CFDP1: variants seen among roughly 807,000 people sequenced by gnomAD.
The protein encoded by CFDP1 is heterochromatin-stabilizing protein CFDP1.
CFDP1 carries 31 observed loss-of-function variants against 40.1 expected under a neutral mutation model. The observed-to-expected ratio is 0.77, with a 90% CI of 0.58 to 1.04. The LOEUF is 1.04. Among genes scored for constraint, CFDP1 ranks in the 50% least tolerant of loss-of-function variants. CFDP1 has a pLI of 0.00. For synonymous variants in CFDP1, 167 were observed against 120.0 expected, an observed-to-expected ratio of 1.39 and a Z score of -2.56; for missense variants, 423 against 343.4, an observed-to-expected ratio of 1.23 and a Z score of -1.83.
chr16:75,334,047 G>A (rs749579284), intron 5 of CFDP1, among the ~76,000 whole-genome samples: 1 of 152,080 alleles, frequency 6.6e-6, no homozygotes, highest in Non-Finnish European at 1.5e-5. Flanking sequence ...GTGAGAGGCT[G>A]TGAGCATTAT....
intron 5 of CFDP1, among the ~76,000 whole-genome samples, chr16:75,373,535 A>T (rs563641304): frequency 4.6e-5 from 7 of 152,282 alleles, no homozygotes; most frequent in African/African-American, 1.4e-4. Context: ...CCCACCCCCC[A>T]TTCTACCTAA....
intron 5 of CFDP1, among the ~76,000 whole-genome samples, chr16:75,380,473 G>A (rs1008416277): frequency 1.3e-4 from 20 of 151,992 alleles, no homozygotes; most frequent in African/African-American, 4.8e-4. Context: ...AATAAAAATG[G>A]TCTTGAGCTT....
At chr16:75,379,093 G>A (rs2078829793) in intron 5 of CFDP1, among the ~76,000 whole-genome samples, 1 of 151,310 alleles carries the variant, frequency 6.6e-6, no homozygotes, top group Non-Finnish European at 1.5e-5. Flanking sequence ...CTAAAGCAGT[G>A]TGAGGGAAAT....
At chr16:75,329,941 C>CT (rs2078433048) in intron 5 of CFDP1, among the ~76,000 whole-genome samples, 1 of 152,174 alleles carries the variant, frequency 6.6e-6, no homozygotes, top group African/African-American at 2.4e-5. Flanking sequence ...ATGAATTCCT[C>CT]TTTCCTCCTC....
At chr16:75,358,344 C>G (rs1244838323) in intron 5 of CFDP1, among the ~76,000 whole-genome samples, 1 of 152,116 alleles carries the variant, frequency 6.6e-6, no homozygotes, top group Admixed American at 6.5e-5. Flanking sequence ...TAGGAACTCT[C>G]CATGTCATTT....
chr16:75,422,800 C>A (rs1186089423), intron 1 of CFDP1, among the ~76,000 whole-genome samples: 1 of 151,954 alleles, frequency 6.6e-6, no homozygotes, highest in Non-Finnish European at 1.5e-5. Flanking sequence ...GAGCTGTGAT[C>A]TTGCCACTGC....
intron 5 of CFDP1, among the ~76,000 whole-genome samples, chr16:75,336,781 CAA>C (rs760876773): frequency 2.6e-5 from 4 of 152,240 alleles, no homozygotes; most frequent in South Asian, 4.1e-4. Flanking sequence ...ACACCCTTGT[CAA>C]AAGTGTTATT....
At chr16:75,428,700 G>C (rs1020390359) in intron 1 of CFDP1, among the ~76,000 whole-genome samples, 2 of 150,658 alleles carry the variant, frequency 1.3e-5, no homozygotes, top group Admixed American at 1.3e-4. Flanking sequence ...GGAAAAGAAA[G>C]AGTGAGAGAG....
At chr16:75,307,020 G>A (rs1320937449) in intron 5 of CFDP1, among the ~76,000 whole-genome samples, 2 of 151,844 alleles carry the variant, frequency 1.3e-5, no homozygotes, top group East Asian at 1.9e-4. Context: ...GCTACTGCCC[G>A]AATTCTCATT....
chr16:75,312,122 C>CA (rs2078296641), intron 5 of CFDP1, among the ~76,000 whole-genome samples: 1 of 152,146 alleles, frequency 6.6e-6, no homozygotes, highest in African/African-American at 2.4e-5. Context: ...AATCCCTGGG[C>CA]AAATTTCACT....
chr16:75,328,571 C>G (rs1258449437), intron 5 of CFDP1, among the ~76,000 whole-genome samples: 1 of 136,944 alleles, frequency 7.3e-6, no homozygotes, highest in Admixed American at 7.4e-5. Context: ...TGCACTCCAG[C>G]CTGGGCGACA....
Position 75,361,864 on chromosome 16 carries a change from G to C in CFDP1, c.650+33226C>G, listed in dbSNP as rs562408004. On this transcript the variant is annotated intron_variant, in intron 5 of 6. Transcript: ENST00000283882. ...TTGGGTCCCAGGTTTCCTTGTATTTGTTTTCAGAATTTTACTATTATTTTT... is the reference window on the plus strand; with the variant it reads ...TTGGGTCCCAGGTTTCCTTGTATTTCTTTTCAGAATTTTACTATTATTTTT... Among the ~76,000 whole-genome samples the C allele has an allele frequency of 2.0e-5, 3 of 152,096 alleles. No homozygotes were observed. The East Asian group carries it at 5.8e-4, about 29-fold the overall frequency.
chr16:75,399,704 AG>A (rs2079031666), intron 4 of CFDP1, among the ~76,000 whole-genome samples: 1 of 150,388 alleles, frequency 6.6e-6, no homozygotes. Flanking sequence ...GAAAGCAGCC[AG>A]GTGCAGTAGC....
chr16:75,312,307 AG>A (rs1415692673), intron 5 of CFDP1, among the ~76,000 whole-genome samples: 2 of 152,234 alleles, frequency 1.3e-5, no homozygotes, highest in Admixed American at 6.5e-5. Flanking sequence ...GCAGAAAACC[AG>A]AAGTATGACA....
intron 5 of CFDP1, among the ~76,000 whole-genome samples, chr16:75,358,936 A>G (rs2078663887): frequency 6.6e-6 from 1 of 152,238 alleles, no homozygotes; most frequent in Admixed American, 6.5e-5. Flanking sequence ...CCCAGTAATC[A>G]GCAGTTCTGA....
chr16:75,328,044 T>C (rs752909921), intron 5 of CFDP1, among the ~76,000 whole-genome samples: 3 of 150,862 alleles, frequency 2.0e-5, no homozygotes, highest in Non-Finnish European at 4.4e-5. Flanking sequence ...CAAATTATAA[T>C]GTAATAGAAC....
chr16:75,379,066 A>T (rs764876797), intron 5 of CFDP1, among the ~76,000 whole-genome samples: 6 of 143,792 alleles, frequency 4.2e-5, no homozygotes, highest in Non-Finnish European at 7.7e-5. Context: ...ACATGTATCA[A>T]AAATTGTTGA....
intron 5 of CFDP1, among the ~76,000 whole-genome samples, chr16:75,306,005 A>C (rs1368797783): frequency 6.6e-6 from 1 of 152,246 alleles, no homozygotes; most frequent in African/African-American, 2.4e-5. Flanking sequence ...TAAACATATG[A>C]AATAAAATAA....
At chr16:75,317,182 C>G (rs576424798) in intron 5 of CFDP1, among the ~76,000 whole-genome samples, 2 of 152,088 alleles carry the variant, frequency 1.3e-5, no homozygotes, top group Non-Finnish European at 2.9e-5. Flanking sequence ...GTGCCTGGTA[C>G]GCATGAGGGT....
Sources: allele counts gnomAD v4.1 joint callset (sites outside exome capture counted in the v4.1 genomes callset), GRCh38; gene constraint gnomAD v4.1.1; transcripts MANE v1.5; gene names NCBI Gene and HGNC (gene_info 2026-07-23, HGNC 2026-07-21).